Variants in ZNF652 observed in about 807,000 individuals in gnomAD.
ZNF652 encodes the protein zinc finger protein 652.
Under a neutral mutation model 45.2 loss-of-function variants are expected in ZNF652, and 16 were observed. The ratio of observed to expected loss-of-function variants is 0.35; its 90% confidence interval spans 0.24 to 0.54. The LOEUF is 0.54. ZNF652 is among the 20% of genes least tolerant of loss of function. The probability of loss-of-function intolerance (pLI) is 0.91; values close to 1 mark genes in which losing one functional copy is unlikely to be tolerated. For synonymous variants in ZNF652, 250 were observed against 260.6 expected, an observed-to-expected ratio of 0.96 and a Z score of 0.39; for missense variants, 614 against 765.6, an observed-to-expected ratio of 0.80 and a Z score of 2.34.
At chr17:49,324,979 G>T (rs1402492360) in intron 1 of ZNF652, among the ~76,000 whole-genome samples, 3 of 151,788 alleles carry the variant, frequency 2.0e-5, no homozygotes, top group African/African-American at 7.3e-5. Flanking sequence ...GACCTCAGGT[G>T]GTCCGCCCAC....
At chr17:49,300,712 T>C (rs1212205791) in intron 5 of ZNF652, among the ~76,000 whole-genome samples, 1 of 152,188 alleles carries the variant, frequency 6.6e-6, no homozygotes, top group Non-Finnish European at 1.5e-5. Flanking sequence ...AGAGCGTTGC[T>C]GTCACTTCCC....
At chr17:49,362,252 G>A (rs2070408966), upstream of ZNF652, 1 of 150,036 alleles carries the variant, frequency 6.7e-6, no homozygotes, top group South Asian at 2.0e-4. Flanking sequence ...GAGGCGAGCG[G>A]CGGCGAGGAC....
chr17:49,359,793 C>A (rs569118682), intron 1 of ZNF652, among the ~76,000 whole-genome samples: 6 of 152,062 alleles, frequency 3.9e-5, no homozygotes, highest in Admixed American at 3.9e-4. Context: ...TCCATTAAAA[C>A]AAAATTTCAA....
intron 1 of ZNF652, among the ~76,000 whole-genome samples, chr17:49,340,671 T>C (rs2070136343): frequency 6.6e-6 from 1 of 151,944 alleles, no homozygotes; most frequent in South Asian, 2.1e-4. Flanking sequence ...CTCCCAACAC[T>C]TTGGGAAGCT....
intron 1 of ZNF652, among the ~76,000 whole-genome samples, chr17:49,348,697 T>C (rs1218910328): frequency 6.6e-6 from 1 of 152,102 alleles, no homozygotes; most frequent in Non-Finnish European, 1.5e-5. Context: ...TACTTAATGA[T>C]GCTCAGGAAG....
Position 49,311,940 on chromosome 17 carries a change from G to T in ZNF652, c.1151C>A (p.Pro384His). 1 of 1,612,684 alleles carries T rather than the reference G, an allele frequency of 6.2e-7. No individual in the cohort carries two copies. Among genetic ancestry groups the T allele is most frequent in the Non-Finnish European group, 8.5e-7 (1 of 1,179,060 alleles). The change falls in exon 4 of 6, where the codon CCC (proline) becomes CAC (histidine). Residue 384 changes from proline (P) to histidine (H), a missense_variant. Pro to His is a moderately conservative substitution (Grantham distance 77). This residue lies in a region of ZNF652 where 81 missense variants were observed against 167.0 expected (regional missense o/e 0.48). Transcript: ENST00000430262. ...CACATTCCTTACCTCGCATCTAAAG[G>T]GCTTCTCTCCAGAATGCTGCAAGGA... Reference protein sequence around the residue: ...VHSLQHSGEKPFRCENCDERF... With the variant: ...VHSLQHSGEKHFRCENCDERF...
At chr17:49,344,112 A>G (rs1190142559) in intron 1 of ZNF652, among the ~76,000 whole-genome samples, 1 of 151,930 alleles carries the variant, frequency 6.6e-6, no homozygotes, top group East Asian at 1.9e-4. Flanking sequence ...AAGGCAGGAG[A>G]ATGGCATGAA....
chr17:49,314,739 TATAA>T (rs1294277983), intron 2 of ZNF652, among the ~76,000 whole-genome samples: 2 of 152,194 alleles, frequency 1.3e-5, no homozygotes, highest in African/African-American at 2.4e-5. Context: ...TAATATTCAC[TATAA>T]ATAAAGATCT....
chr17:49,306,328 T>C (rs1484285071), intron 5 of ZNF652, among the ~76,000 whole-genome samples: 6 of 152,230 alleles, frequency 3.9e-5, no homozygotes, highest in Non-Finnish European at 4.4e-5. Flanking sequence ...CAAATAAACA[T>C]GTTCACTCTT....
At chr17:49,344,125 C>T (rs1048714588) in intron 1 of ZNF652, among the ~76,000 whole-genome samples, 1 of 151,802 alleles carries the variant, frequency 6.6e-6, no homozygotes, top group Non-Finnish European at 1.5e-5. Flanking sequence ...GGCATGAACC[C>T]GGGAGGCGGA....
intron 1 of ZNF652, among the ~76,000 whole-genome samples, chr17:49,354,713 CTAGCT>C (rs920454314): frequency 6.6e-6 from 1 of 151,574 alleles, no homozygotes; most frequent in African/African-American, 2.4e-5. Context: ...TGAAAGTTAC[CTAGCT>C]TATTTCTTTT....
intron 1 of ZNF652, among the ~76,000 whole-genome samples, chr17:49,343,262 A>C (rs1598311633): frequency 6.6e-6 from 1 of 152,240 alleles, no homozygotes; most frequent in East Asian, 1.9e-4. Context: ...TCAGTAAAAC[A>C]AAAGTCCCAA....
chr17:49,300,225 C>G (rs2069533592), intron 5 of ZNF652, among the ~76,000 whole-genome samples: 2 of 152,148 alleles, frequency 1.3e-5, no homozygotes, highest in Non-Finnish European at 2.9e-5. Context: ...CTATCTGGCA[C>G]CCAGCATTCC....
At chr17:49,343,680 A>T (rs932514274) in intron 1 of ZNF652, among the ~76,000 whole-genome samples, 1 of 151,074 alleles carries the variant, frequency 6.6e-6, no homozygotes, top group Non-Finnish European at 1.5e-5. Context: ...TTTAAATAAC[A>T]CAAATCCAAT....
intron 1 of ZNF652, among the ~76,000 whole-genome samples, chr17:49,358,647 C>T (rs1362161923): frequency 2.0e-5 from 3 of 152,172 alleles, no homozygotes; most frequent in South Asian, 2.1e-4. Context: ...AACAAAATCA[C>T]ATCAGTAGCA....
chr17:49,317,446 T>C lies in ZNF652; in HGVS notation c.280A>G (p.Lys94Glu). 6.2e-7 allele frequency: 1 copy of C among 1,614,180 alleles called. No homozygotes were observed. The highest frequency in any genetic ancestry group is 8.5e-7 in the Non-Finnish European group (1 of 1,180,028). The change falls in exon 2 of 6, where the codon AAG becomes GAG. Residue 94 changes from lysine to glutamate, a missense_variant. Lys to Glu is a moderately conservative substitution (Grantham distance 56). Coordinates refer to ENST00000430262, the MANE Select transcript of ZNF652 (RefSeq NM_001145365.3). Reference protein sequence around the residue: ...TRAVSDVHAVKEDRENSDDTE... With the variant: ...TRAVSDVHAVEEDRENSDDTE... ...TCATCAGAATTCTCCCGGTCTTCCT[T>C]AACAGCATGCACGTCAGACACTGCT...
At chr17:49,312,151 T>C (rs895946152) in intron 3 of ZNF652, 109 bp from the exon 4 acceptor site, 4 of 534,934 alleles carry the variant, frequency 7.5e-6, no homozygotes, top group African/African-American at 2.0e-5. Flanking sequence ...CTACACTGAT[T>C]TGTGAGGCTT....
intron 1 of ZNF652, among the ~76,000 whole-genome samples, chr17:49,346,446 G>A (rs1249748765): frequency 6.6e-6 from 1 of 152,158 alleles, no homozygotes; most frequent in Non-Finnish European, 1.5e-5. Flanking sequence ...AGCTACTTGG[G>A]AGACTGAGGC....
At chr17:49,353,086 T>C (rs1286929956) in intron 1 of ZNF652, among the ~76,000 whole-genome samples, 1 of 152,202 alleles carries the variant, frequency 6.6e-6, no homozygotes, top group African/African-American at 2.4e-5. Context: ...CAGAACTGTA[T>C]GAATATCAAA....
Sources: allele counts gnomAD v4.1 joint callset (sites outside exome capture counted in the v4.1 genomes callset), GRCh38; gene constraint gnomAD v4.1.1; regional missense constraint gnomAD v4.1.1; transcripts MANE v1.5; gene names NCBI Gene and HGNC (gene_info 2026-07-23, HGNC 2026-07-21).